Variants in TET1 observed in about 807,000 individuals in gnomAD.
TET1 encodes tet methylcytosine dioxygenase 1, also known as methylcytosine dioxygenase TET1.
A neutral mutation model predicts 148.7 loss-of-function variants in TET1; 13 were observed. The ratio of observed to expected loss-of-function variants is 0.09; its 90% CI spans 0.06 to 0.14. The LOEUF is 0.14. Ranked by LOEUF, TET1 falls within the 10% of genes least tolerant of loss-of-function variation. TET1 has a pLI of 1.00. For synonymous variants in TET1, 907 were observed against 937.2 expected (o/e 0.97, Z 0.59); for missense variants, 2,182 against 2,553.8 (o/e 0.85, Z 3.14).
At chr10:68,621,171 C>T (rs957419552) in intron 3 of TET1, among the ~76,000 whole-genome samples, 4 of 152,168 alleles carry the variant, frequency 2.6e-5, no homozygotes, top group Admixed American at 1.3e-4. Context: ...CATGGTGGCT[C>T]ATGCTTGTAA....
chr10:68,673,276 C>T (rs1427041528), intron 8 of TET1: 3 of 250,650 alleles, frequency 1.2e-5, no homozygotes, highest in Admixed American at 1.0e-4. Flanking sequence ...TGGCTTCCTC[C>T]TCCTGCTCTA....
chr10:68,692,797 A>G lies in TET1; in HGVS notation c.*983A>G. 4.3e-6 allele frequency: 1 copy of G among 231,528 alleles called. No individual in the cohort carries two copies. The highest frequency in any genetic ancestry group is 6.2e-5 in the East Asian group (1 of 16,236). 14.3% of individuals were successfully genotyped at this position (231,528 alleles called of 1,614,324 possible). A position where few individuals can be genotyped will look rare whatever the true frequency, so the allele number is the denominator to read the frequency against. On this transcript the variant is annotated 3_prime_UTR_variant, in exon 12 of 12. Transcript: ENST00000373644. Reference sequence around the variant, plus strand: ...AATTTAGTTTCATCCCACCTTTCTCAGTATAATCCATGAGAGGTGTTTCCA... The same window carrying G: ...AATTTAGTTTCATCCCACCTTTCTCGGTATAATCCATGAGAGGTGTTTCCA...
chr10:68,607,041 A>G (rs1159318413), intron 3 of TET1, among the ~76,000 whole-genome samples: 1 of 152,130 alleles, frequency 6.6e-6, no homozygotes, highest in Non-Finnish European at 1.5e-5. Context: ...TCACTGCAGC[A>G]TGTATATTTC....
chr10:68,621,395 G>A (rs1417569864), intron 3 of TET1, among the ~76,000 whole-genome samples: 3 of 151,990 alleles, frequency 2.0e-5, no homozygotes, highest in African/African-American at 7.3e-5. Flanking sequence ...ACTAGCCTGG[G>A]CAACGTGGTG....
At chr10:68,594,370 AGTTGGTAACT>A (rs1392105947) in intron 2 of TET1, among the ~76,000 whole-genome samples, 1 of 152,226 alleles carries the variant, frequency 6.6e-6, no homozygotes, top group African/African-American at 2.4e-5. Context: ...AGTTTGTCTC[AGTTGGTAACT>A]GTTGAAGATT....
Position 68,646,352 on chromosome 10 carries a change from C to G in TET1, c.3623C>G (p.Thr1208Ser). 6.2e-7 allele frequency: 1 copy of G among 1,614,146 alleles called. No homozygotes were observed. Among genetic ancestry groups the G allele is most frequent in the Non-Finnish European group, 8.5e-7 (1 of 1,180,020 alleles). Reference sequence around the variant, plus strand: ...CAATTTTGTCCACATGATTTTCCTACTGTATTTGGGAAAATTTCTTCCTCG... The same window carrying G: ...CAATTTTGTCCACATGATTTTCCTAGTGTATTTGGGAAAATTTCTTCCTCG... ...FGQFCPHDFP[T>S]VFGKISSSTK... The change falls in exon 4 of 12, where the codon ACT becomes AGT. Residue 1208 changes from threonine to serine, a missense_variant. By Grantham distance (58) the Thr-to-Ser change is moderately conservative. This residue lies in a region of TET1 where 582 missense variants were observed against 599.5 expected (regional missense o/e 0.97). Coordinates refer to ENST00000373644, the MANE Select transcript of TET1 (RefSeq NM_030625.3).
At chr10:68,662,619 T>C (rs1397588491) in intron 6 of TET1, among the ~76,000 whole-genome samples, 2 of 152,186 alleles carry the variant, frequency 1.3e-5, no homozygotes, top group East Asian at 3.8e-4. Flanking sequence ...GGTTTTATCA[T>C]GGCTGGGCGT....
chr10:68,661,175 G>T (rs1436643087), intron 6 of TET1, among the ~76,000 whole-genome samples: 3 of 146,626 alleles, frequency 2.0e-5, no homozygotes, highest in Non-Finnish European at 3.0e-5. Flanking sequence ...GACTACAGGC[G>T]CCTGCCACTG....
At position 68,574,110 on chromosome 10, in the gene TET1, G is replaced by A; in HGVS notation, c.1772G>A (p.Cys591Tyr). The change falls in exon 2 of 12, where the codon TGT (cysteine) becomes TAT (tyrosine). Residue 591 changes from cysteine (C) to tyrosine (Y), a missense_variant. Physicochemically the swap from Cys to Tyr is radical, Grantham distance 194 (BLOSUM62 -2). Around this residue, in one of 11 missense-constraint regions of TET1, gnomAD observed 226 missense variants for 307.4 expected, o/e 0.74. Transcript: ENST00000373644. Reference sequence around the variant, plus strand: ...TTGGAAAAGAAGAAAAGAAAGCGATGTGGGGTCTGTGAACCCTGCCAGCAG... The same window carrying A: ...TTGGAAAAGAAGAAAAGAAAGCGATATGGGGTCTGTGAACCCTGCCAGCAG... ...PTLEKKKRKR[C>Y]GVCEPCQQKT... The A allele has an allele frequency of 6.2e-7, 1 of 1,614,140 alleles. No homozygotes were observed. The highest frequency in any genetic ancestry group is 8.5e-7 in the Non-Finnish European group (1 of 1,180,036).
intron 10 of TET1, among the ~76,000 whole-genome samples, chr10:68,685,920 A>G (rs1017962000): frequency 2.0e-5 from 3 of 152,166 alleles, no homozygotes; most frequent in Non-Finnish European, 4.4e-5. Context: ...TGTCCCTGCT[A>G]TCCAAGGAAT....
At chr10:68,607,421 G>GT (rs950422272) in intron 3 of TET1, among the ~76,000 whole-genome samples, 109 of 141,856 alleles carry the variant, frequency 7.7e-4, no homozygotes, top group South Asian at 2.5e-3. Context: ...TTTTTTTTTT[G>GT]TTTTTTTTGT....
intron 3 of TET1, among the ~76,000 whole-genome samples, chr10:68,633,134 A>G (rs1381968061): frequency 6.6e-6 from 1 of 152,094 alleles, no homozygotes; most frequent in Non-Finnish European, 1.5e-5. Context: ...CGGTGAGCCA[A>G]GATTGCCCCA....
At chr10:68,688,146 G>C (rs1343365752) in intron 11 of TET1, among the ~76,000 whole-genome samples, 1 of 152,046 alleles carries the variant, frequency 6.6e-6, no homozygotes, top group Non-Finnish European at 1.5e-5. Context: ...ACCCAGGCTG[G>C]AGTACAGTGG....
At chr10:68,604,195 T>TTG (rs1444783664) in intron 3 of TET1, among the ~76,000 whole-genome samples, 1 of 152,052 alleles carries the variant, frequency 6.6e-6, no homozygotes, top group African/African-American at 2.4e-5. Context: ...AACTTTTACT[T>TTG]TGTGTGTGTG....
chr10:68,674,169 G>A (rs1241185528), intron 8 of TET1, among the ~76,000 whole-genome samples: 3 of 151,674 alleles, frequency 2.0e-5, no homozygotes, highest in African/African-American at 7.2e-5. Context: ...TCACCATGTT[G>A]GCCAGGCTAA....
At chr10:68,652,656 A>G in intron 6 of TET1, 62 bp downstream of exon 6, 5 of 1,107,234 alleles carry the variant, frequency 4.5e-6, no homozygotes, top group South Asian at 1.4e-5. Flanking sequence ...ATATTTATAC[A>G]TTTACAATAG....
At chr10:68,624,663 TCTCTC>T (rs1564975131) in intron 3 of TET1, among the ~76,000 whole-genome samples, 3,877 of 95,214 alleles carry the variant, frequency 0.041, 86 homozygotes, top group African/African-American at 0.052. Context: ...TTTCTTTCTC[TCTCTC>T]TCTCTCTCTC....
intron 1 of TET1, among the ~76,000 whole-genome samples, chr10:68,568,921 T>G (rs528426947): frequency 6.6e-6 from 1 of 152,172 alleles, no homozygotes; most frequent in Admixed American, 6.5e-5. Flanking sequence ...GTCTTTGGAT[T>G]GAGTCAGGAG....
intron 6 of TET1, among the ~76,000 whole-genome samples, chr10:68,654,946 A>T (rs1458636381): frequency 6.6e-6 from 1 of 152,182 alleles, no homozygotes; most frequent in African/African-American, 2.4e-5. Flanking sequence ...TGGAGGCCTC[A>T]GTTCCTCCTC....
Sources: allele counts gnomAD v4.1 joint callset (sites outside exome capture counted in the v4.1 genomes callset), GRCh38; gene constraint gnomAD v4.1.1; regional missense constraint gnomAD v4.1.1; transcripts MANE v1.5; gene names NCBI Gene and HGNC (gene_info 2026-07-23, HGNC 2026-07-21).